Variants in UBL3 observed in about 807,000 individuals in gnomAD.
UBL3 encodes ubiquitin-like protein 3.
In UBL3, 6 loss-of-function variants were observed where a neutral mutation model predicts 18.4. The ratio of observed to expected loss-of-function variants is 0.33; its 90% CI spans 0.18 to 0.64. The LOEUF is 0.64. UBL3 is among the 30% of genes least tolerant of loss of function. UBL3 has a pLI of 0.76. For missense variants in UBL3, 109 were observed against 142.9 expected, an observed-to-expected ratio of 0.76 and a Z score of 1.21; for synonymous variants, 49 against 46.6, an observed-to-expected ratio of 1.05 and a Z score of -0.21.
At chr13:29,776,199 T>C (rs1319315660) in intron 2 of UBL3, among the ~76,000 whole-genome samples, 1 of 152,028 alleles carries the variant, frequency 6.6e-6, no homozygotes, top group Non-Finnish European at 1.5e-5. Context: ...ATAGGTTTAC[T>C]GATATGAAGG....
At chr13:29,780,369 T>A (rs28484951) in intron 1 of UBL3, among the ~76,000 whole-genome samples, 10,028 of 88,024 alleles carry the variant, frequency 0.11, 715 homozygotes, top group African/African-American at 0.18. Context: ...AAAAAAAAAA[T>A]ATATATATAT....
chr13:29,780,394 G>A (rs1362115027), intron 1 of UBL3, among the ~76,000 whole-genome samples: 1 of 129,368 alleles, frequency 7.7e-6, no homozygotes, highest in Admixed American at 8.1e-5. Flanking sequence ...ATATATATGT[G>A]TGTGTGTGTG....
intron 1 of UBL3, among the ~76,000 whole-genome samples, chr13:29,827,692 ATT>A (rs1452100277): frequency 1.3e-5 from 2 of 152,264 alleles, no homozygotes; most frequent in East Asian, 3.9e-4. Flanking sequence ...TAAGGTTAAT[ATT>A]GTTATGTGTG....
At chr13:29,820,179 T>C (rs1204519441) in intron 1 of UBL3, among the ~76,000 whole-genome samples, 1 of 144,964 alleles carries the variant, frequency 6.9e-6, no homozygotes, top group Non-Finnish European at 1.5e-5. Context: ...CTTTTTTTTT[T>C]TTTTTTTTTT....
At chr13:29,771,880 T>G (rs945483072) in intron 3 of UBL3, among the ~76,000 whole-genome samples, 1 of 152,078 alleles carries the variant, frequency 6.6e-6, no homozygotes, top group African/African-American at 2.4e-5. Flanking sequence ...TATAGAATCC[T>G]ACCTATACTG....
In UBL3 at chr13:29,766,314, T is replaced by C. The variant is rs1403629931; in HGVS notation, c.*941A>G. 1 of 152,522 alleles carries C rather than the reference T, an allele frequency of 6.6e-6. No homozygotes were observed. The highest frequency in any genetic ancestry group is 1.5e-5 in the Non-Finnish European group (1 of 67,990). The allele number at this position is 152,522 out of a possible 1,614,324, so 9.4% of individuals were successfully genotyped here. On this transcript the variant is annotated 3_prime_UTR_variant, in exon 5 of 5. Transcript: ENST00000380680. ...TAGTACTATGGAGTTTTTTTTTAAT[T>C]TTAAGAATTCATCTGAACTCTAAGG...
At chr13:29,847,631 A>G (rs939329931) in intron 1 of UBL3, among the ~76,000 whole-genome samples, 1 of 152,224 alleles carries the variant, frequency 6.6e-6, no homozygotes, top group African/African-American at 2.4e-5. Context: ...CACTGTTTTA[A>G]TAACACATCT....
At chr13:29,840,118 CT>C (rs1165697610) in intron 1 of UBL3, among the ~76,000 whole-genome samples, 1 of 151,718 alleles carries the variant, frequency 6.6e-6, no homozygotes, top group African/African-American at 2.4e-5. Flanking sequence ...TCTGAAAAGA[CT>C]GCGTACAAAG....
chr13:29,835,208 G>A (rs1297158061), intron 1 of UBL3, among the ~76,000 whole-genome samples: 1 of 117,126 alleles, frequency 8.5e-6, no homozygotes, highest in Non-Finnish European at 1.7e-5. Context: ...GGAATCTATG[G>A]CCTACTGGGG....
At chr13:29,835,125 AATATATATATAT>A (rs59643985) in intron 1 of UBL3, among the ~76,000 whole-genome samples, 42 of 23,380 alleles carry the variant, frequency 1.8e-3, no homozygotes, top group South Asian at 3.5e-3. Context: ...TATATATATA[AATATATATATAT>A]ATATATATAT....
chr13:29,830,759 T>C (rs570928116), intron 1 of UBL3, among the ~76,000 whole-genome samples: 5 of 152,196 alleles, frequency 3.3e-5, no homozygotes, highest in African/African-American at 9.6e-5. Flanking sequence ...TTGGAAAATA[T>C]AGATACAGGC....
chr13:29,831,593 G>GAA (rs375371538), intron 1 of UBL3, among the ~76,000 whole-genome samples: 5 of 61,386 alleles, frequency 8.1e-5, no homozygotes, highest in Admixed American at 3.5e-4. Flanking sequence ...CGTCTCAAAA[G>GAA]AAAAAAAAAA....
At chr13:29,843,520 C>A (rs1205808349) in intron 1 of UBL3, among the ~76,000 whole-genome samples, 1 of 152,154 alleles carries the variant, frequency 6.6e-6, no homozygotes, top group African/African-American at 2.4e-5. Flanking sequence ...AAGATGAGAT[C>A]TATATAGAAG....
chr13:29,778,322 TTAATTTTTATCTGTTG>T, intron 1 of UBL3, among the ~76,000 whole-genome samples: 1 of 152,350 alleles, frequency 6.6e-6, no homozygotes, highest in South Asian at 2.1e-4. Flanking sequence ...TCCCAAATGT[TTAATTTTTATCTGTTG>T]TAATTAATTT....
At chr13:29,803,142 A>T (rs12864739) in intron 1 of UBL3, among the ~76,000 whole-genome samples, 15,540 of 152,272 alleles carry the variant, frequency 0.1, 974 homozygotes, top group African/African-American at 0.17. Context: ...AAGAATTTCA[A>T]ATCCAGCCAA....
intron 1 of UBL3, among the ~76,000 whole-genome samples, chr13:29,817,391 A>T (rs1212480570): frequency 6.6e-6 from 1 of 152,164 alleles, no homozygotes; most frequent in Non-Finnish European, 1.5e-5. Flanking sequence ...TAAATGAATT[A>T]AGCCATTCAG....
chr13:29,797,744 A>G (rs1482073231), intron 1 of UBL3, among the ~76,000 whole-genome samples: 2 of 152,210 alleles, frequency 1.3e-5, no homozygotes, highest in African/African-American at 4.8e-5. Context: ...ATAAGATTCA[A>G]TTAAGGAAAA....
intron 1 of UBL3, among the ~76,000 whole-genome samples, chr13:29,825,601 G>T (rs1183218516): frequency 6.6e-6 from 1 of 152,128 alleles, no homozygotes; most frequent in Non-Finnish European, 1.5e-5. Context: ...GGAGATTTTG[G>T]GCTGAGACGA....
intron 1 of UBL3, among the ~76,000 whole-genome samples, chr13:29,780,999 C>G (rs1192356617): frequency 6.6e-6 from 1 of 152,102 alleles, no homozygotes; most frequent in Non-Finnish European, 1.5e-5. Flanking sequence ...CCTGGTGAAA[C>G]CCGGTCTCTA....
Sources: gnomAD v4.1 joint callset for allele counts (sites outside exome capture counted in the v4.1 genomes callset) on GRCh38, gnomAD v4.1.1 for gene constraint, MANE v1.5 for transcripts, NCBI Gene and HGNC (gene_info 2026-07-23, HGNC 2026-07-21) for gene names.